TRIM44: variants seen among roughly 807,000 people sequenced by gnomAD.
The protein encoded by TRIM44 is tripartite motif containing 44.
TRIM44 carries 13 observed loss-of-function variants against 37.4 expected under a neutral mutation model. The ratio of observed to expected loss-of-function variants is 0.35; its 90% CI spans 0.23 to 0.55. TRIM44 has a LOEUF of 0.55. TRIM44 is among the 20% of genes least tolerant of loss of function. TRIM44 has a pLI of 0.89. For synonymous variants in TRIM44, 175 were observed against 157.2 expected, an observed-to-expected ratio of 1.11 and a Z score of -0.85; for missense variants, 426 against 437.2, an observed-to-expected ratio of 0.97 and a Z score of 0.23.
intron 4 of TRIM44, among the ~76,000 whole-genome samples, chr11:35,753,405 T>G (rs1852583076): frequency 6.6e-6 from 1 of 152,206 alleles, no homozygotes; most frequent in Non-Finnish European, 1.5e-5. Context: ...TCTGCCAGTG[T>G]TAGAATCCCA....
At chr11:35,759,217 C>G (rs1275279574) in intron 4 of TRIM44, among the ~76,000 whole-genome samples, 1 of 152,126 alleles carries the variant, frequency 6.6e-6, no homozygotes, top group Non-Finnish European at 1.5e-5. Context: ...TCTTTTTTCT[C>G]TAAACTTCTC....
chr11:35,737,349 C>T (rs1356341761), intron 4 of TRIM44, among the ~76,000 whole-genome samples: 1 of 152,192 alleles, frequency 6.6e-6, no homozygotes, highest in East Asian at 1.9e-4. Context: ...GAAGTGTCTC[C>T]TACCTATGGA....
At chr11:35,758,637 C>T (rs1405370682) in intron 4 of TRIM44, among the ~76,000 whole-genome samples, 2 of 152,146 alleles carry the variant, frequency 1.3e-5, no homozygotes, top group African/African-American at 4.8e-5. Context: ...GTGGCTGGTA[C>T]TGGTTTTTCC....
At chr11:35,682,367 G>A (rs1005288819) in intron 1 of TRIM44, among the ~76,000 whole-genome samples, 32 of 152,064 alleles carry the variant, frequency 2.1e-4, no homozygotes, top group African/African-American at 7.7e-4. Flanking sequence ...AGGCCCCTTG[G>A]GGTGCAGGAA....
chr11:35,752,692 T>C (rs1413608215), intron 4 of TRIM44, among the ~76,000 whole-genome samples: 1 of 152,206 alleles, frequency 6.6e-6, no homozygotes, highest in Non-Finnish European at 1.5e-5. Flanking sequence ...CTTAGCCATA[T>C]TGCTTTCTTC....
chr11:35,776,183 T>C (rs1479556132), intron 4 of TRIM44, among the ~76,000 whole-genome samples: 1 of 150,984 alleles, frequency 6.6e-6, no homozygotes, highest in African/African-American at 2.4e-5. Flanking sequence ...CAACTTCTAG[T>C]CTTGGGAGGG....
At chr11:35,703,121 G>A (rs560300228) in intron 2 of TRIM44, among the ~76,000 whole-genome samples, 125 of 152,334 alleles carry the variant, frequency 8.2e-4, no homozygotes, top group African/African-American at 2.9e-3. Flanking sequence ...CACATGGCTC[G>A]GAGGGTCCTA....
At chr11:35,731,378 C>A (rs1337337383) in intron 3 of TRIM44, among the ~76,000 whole-genome samples, 2 of 152,022 alleles carry the variant, frequency 1.3e-5, no homozygotes, top group Non-Finnish European at 1.5e-5. Flanking sequence ...AATGGTTAAT[C>A]ATGTTGGTTA....
At position 35,786,304 on chromosome 11, in the gene TRIM44, A is replaced by G. The variant is rs151111913; in HGVS notation, c.1008-20054A>G. Among the ~76,000 whole-genome samples, 16 of 152,366 alleles carry G rather than the reference A, an allele frequency of 1.1e-4. No homozygotes were observed. The South Asian group carries it at 1.7e-3, about 16-fold the overall frequency. On this transcript the variant is annotated intron_variant, in intron 4 of 4. Coordinates refer to ENST00000299413, the MANE Select transcript of TRIM44 (RefSeq NM_017583.6). ...TCAGGAAAATGACTTTCCCAAAGTT[A>G]CATCATCTGCTTATCTCAGTTCCCA... is the stretch of plus-strand genomic sequence containing the variant.
At chr11:35,737,593 T>C (rs1755863192) in intron 4 of TRIM44, among the ~76,000 whole-genome samples, 1 of 152,132 alleles carries the variant, frequency 6.6e-6, no homozygotes. Flanking sequence ...CCCAGGACTT[T>C]GGGAGGCCGA....
intron 1 of TRIM44, among the ~76,000 whole-genome samples, chr11:35,680,505 TCA>T (rs1364750399): frequency 6.6e-6 from 1 of 152,112 alleles, no homozygotes; most frequent in African/African-American, 2.4e-5. Context: ...ACAACCTACC[TCA>T]TTCTTTTTAT....
At chr11:35,673,244 A>G (rs1454846868) in intron 1 of TRIM44, among the ~76,000 whole-genome samples, 2 of 152,222 alleles carry the variant, frequency 1.3e-5, no homozygotes, top group Admixed American at 6.5e-5. Context: ...TATAGAAGGC[A>G]TCTCTGAGCA....
intron 4 of TRIM44, among the ~76,000 whole-genome samples, chr11:35,769,641 T>C (rs1033157463): frequency 7.2e-5 from 11 of 152,284 alleles, no homozygotes; most frequent in African/African-American, 2.2e-4. Context: ...ATAGTACTTA[T>C]GGGATACAGT....
At chr11:35,701,156 C>A (rs1675666259) in intron 2 of TRIM44, among the ~76,000 whole-genome samples, 1 of 152,078 alleles carries the variant, frequency 6.6e-6, no homozygotes, top group Non-Finnish European at 1.5e-5. Context: ...ATTAAGGGTC[C>A]CATTTTTATA....
At chr11:35,668,814 G>T (rs1420801476) in intron 1 of TRIM44, among the ~76,000 whole-genome samples, 2 of 152,118 alleles carry the variant, frequency 1.3e-5, no homozygotes, top group Non-Finnish European at 2.9e-5. Flanking sequence ...GTCTGTCTAG[G>T]TTGTCTATTT....
At chr11:35,697,238 G>A (rs1166848119) in intron 2 of TRIM44, among the ~76,000 whole-genome samples, 47 of 97,084 alleles carry the variant, frequency 4.8e-4, no homozygotes, top group African/African-American at 4.7e-4. Context: ...AACAGGCCCC[G>A]GTGTGTGATG....
In TRIM44 at chr11:35,663,041, AAGTG is replaced by A; in HGVS notation, c.-68_-65del. ...GGAAGGGACCCGGGGCGGGAGGAGG[AAGTG>A]AGGCCGCGCGGAAGGAAGGCGGCGA... On this transcript the variant is annotated 5_prime_UTR_variant, in exon 1 of 5. Transcript: ENST00000299413. 6.9e-7 allele frequency: 1 copy of A among 1,445,752 alleles called. No homozygotes were observed. The highest frequency in any genetic ancestry group is 2.4e-4 in the Middle Eastern group (1 of 4,190). 89.6% of individuals were successfully genotyped at this position (1,445,752 alleles called of 1,614,324 possible). A position where few individuals can be genotyped will look rare whatever the true frequency, so the allele number is the denominator to read the frequency against.
At position 35,813,918 on chromosome 11, in the gene TRIM44, G is replaced by A. The variant is rs1316763429; in HGVS notation, c.*7533G>A. Reference sequence around the variant, plus strand: ...TTCAGAGAGTTTTTTTCACAGCTTTGTAAGTGACTTTCATGCTACAGTGCT... The same window carrying A: ...TTCAGAGAGTTTTTTTCACAGCTTTATAAGTGACTTTCATGCTACAGTGCT... On this transcript the variant is annotated 3_prime_UTR_variant, in exon 5 of 5. Coordinates refer to ENST00000299413, the MANE Select transcript of TRIM44 (RefSeq NM_017583.6). The A allele has an allele frequency of 6.6e-6, 1 of 152,038 alleles. No individual in the cohort carries two copies. The highest frequency in any genetic ancestry group is 1.5e-5 in the Non-Finnish European group (1 of 68,012). 9.4% of individuals were successfully genotyped at this position (152,038 alleles called of 1,614,324 possible).
At chr11:35,727,630 C>G (rs1852194424) in intron 3 of TRIM44, among the ~76,000 whole-genome samples, 2 of 152,174 alleles carry the variant, frequency 1.3e-5, no homozygotes, top group Non-Finnish European at 2.9e-5. Flanking sequence ...TTATATTCAT[C>G]ATTTCATTTA....
Sources: allele counts gnomAD v4.1 joint callset (sites outside exome capture counted in the v4.1 genomes callset), GRCh38; gene constraint gnomAD v4.1.1; transcripts MANE v1.5; gene names NCBI Gene and HGNC (gene_info 2026-07-23, HGNC 2026-07-21).